The following DYNC2H1 variants were observed in gnomAD, a reference collection of about 807,000 sequenced individuals.
DYNC2H1 encodes the protein cytoplasmic dynein 2 heavy chain 1.
DYNC2H1 carries 410 observed loss-of-function variants against 570.0 expected under a neutral mutation model. The observed-to-expected ratio is 0.72, with a 90% CI of 0.66 to 0.78. The LOEUF (loss-of-function observed/expected upper bound fraction) is 0.78, where lower values mean the gene tolerates loss of function less well. DYNC2H1 is among the 30% of genes least tolerant of loss of function. DYNC2H1 has a pLI of 0.00. For missense variants in DYNC2H1, 4,865 were observed against 5,046.4 expected (o/e 0.96, Z 1.09); for synonymous variants, 1,688 against 1,677.6 (o/e 1.01, Z -0.15).
intron 70 of DYNC2H1, among the ~76,000 whole-genome samples, chr11:103,265,565 G>T (rs566893752): frequency 1.3e-5 from 2 of 152,218 alleles, no homozygotes; most frequent in Admixed American, 1.3e-4. Flanking sequence ...GTTTTATCAT[G>T]ATTTTTAGCT....
chr11:103,303,110 C>A lies in DYNC2H1; in HGVS notation c.11113C>A (p.Pro3705Thr). 1 of 1,574,284 alleles carries A rather than the reference C, an allele frequency of 6.4e-7. No homozygotes were observed. The highest frequency in any genetic ancestry group is 1.3e-5 in the African/African-American group (1 of 74,108). ...CKTLGLKEVS[P>T]LPLNLKRLYK... Reference sequence around the variant, plus strand: ...TATTTTAGGACTGAAAGAGGTGTCCCCACTGCCTCTAAATCTCAAACGTTT... The same window carrying A: ...TATTTTAGGACTGAAAGAGGTGTCCACACTGCCTCTAAATCTCAAACGTTT... Residue 3705 changes from proline to threonine, a missense_variant, in exon 76 of 89, where the codon CCA (proline) becomes ACA (threonine). Coordinates refer to ENST00000375735, the MANE Select transcript of DYNC2H1 (RefSeq NM_001377.3).
At chr11:103,135,217 A>G (rs1326347014) in intron 15 of DYNC2H1, among the ~76,000 whole-genome samples, 5 of 152,156 alleles carry the variant, frequency 3.3e-5, no homozygotes, top group African/African-American at 9.6e-5. Flanking sequence ...ACATCATAAA[A>G]TAAAGTCCAA....
intron 45 of DYNC2H1, 86 bp from the exon 46 acceptor site, chr11:103,191,431 C>G: frequency 1.1e-6 from 1 of 940,316 alleles, no homozygotes; most frequent in South Asian, 1.7e-5. Flanking sequence ...ATTGGTATTC[C>G]TCTGAGTCTA....
intron 82 of DYNC2H1, among the ~76,000 whole-genome samples, chr11:103,336,466 CCCTTCCTAT>C (rs1299115715): frequency 6.7e-6 from 1 of 149,848 alleles, no homozygotes; most frequent in Non-Finnish European, 1.5e-5. Flanking sequence ...CCTATACACA[CCCTTCCTAT>C]CCTCTGGTAA....
In DYNC2H1 at chr11:103,154,754, T is replaced by C. The variant is rs765544246; in HGVS notation, c.3518T>C (p.Val1173Ala). 5.7e-6 allele frequency: 9 copies of C among 1,569,894 alleles called. No homozygotes were observed. The South Asian group carries it at 5.9e-5, about 10-fold the overall frequency. ...AACTGGCATGACAGATTAAGGAAGG[T>C]TGAAGAACATTCAGTGATGACAGTG... ...LMNWHDRLRK[V>A]EEHSVMTVKL... The change falls in exon 24 of 89, where the codon GTT becomes GCT. Residue 1173 changes from valine to alanine, a missense_variant. By Grantham distance (64) the Val-to-Ala change is moderately conservative. Coordinates refer to ENST00000375735, the MANE Select transcript of DYNC2H1 (RefSeq NM_001377.3).
chr11:103,237,369 T>A (rs1229015118), intron 63 of DYNC2H1, among the ~76,000 whole-genome samples: 2 of 151,990 alleles, frequency 1.3e-5, no homozygotes, highest in African/African-American at 4.8e-5. Context: ...AACTGTATTA[T>A]AAGATTTATA....
intron 84 of DYNC2H1, among the ~76,000 whole-genome samples, chr11:103,414,957 T>C (rs1345282632): frequency 6.6e-6 from 1 of 152,216 alleles, no homozygotes; most frequent in Admixed American, 6.5e-5. Context: ...ATGGCAGTAC[T>C]TCCCAAAGTA....
rs3989921 is a variant in DYNC2H1, at chr11:103,323,471, A to AAT, written c.11935-397_11935-396dup. Among the ~76,000 whole-genome samples the AAT allele has an allele frequency of 4.4e-3, 653 of 148,504 alleles. 6 individuals carry two copies. The highest frequency in any genetic ancestry group is 0.012 in the African/African-American group (480 of 40,480). On this transcript the variant is annotated intron_variant, in intron 81 of 88. Transcript: ENST00000375735. Reference sequence around the variant, plus strand: ...CAAAAGTAGATTGCCTGAATATATAAATATATATATATATATATAACTGCT... The same window carrying AAT: ...CAAAAGTAGATTGCCTGAATATATAAATATATATATATATATATATAACTGCT...
chr11:103,314,588 A>G (rs1352147615), intron 79 of DYNC2H1, among the ~76,000 whole-genome samples: 1 of 152,016 alleles, frequency 6.6e-6, no homozygotes, highest in African/African-American at 2.4e-5. Flanking sequence ...GTATTTTTAG[A>G]AATCTGTAAA....
At chr11:103,404,190 ATAACT>A (rs1425559953) in intron 84 of DYNC2H1, 3 of 151,970 alleles carry the variant, frequency 2.0e-5, no homozygotes, top group Non-Finnish European at 4.4e-5. Context: ...GGTTTAACCT[ATAACT>A]TAACTTTGAC....
At chr11:103,267,105 G>C (rs1328352796) in intron 70 of DYNC2H1, among the ~76,000 whole-genome samples, 2 of 152,036 alleles carry the variant, frequency 1.3e-5, no homozygotes, top group Non-Finnish European at 2.9e-5. Context: ...ATCTTTTCCT[G>C]CCCGGGTTCC....
Position 103,189,548 on chromosome 11 carries a change from G to A in DYNC2H1, c.7293-124G>A. 1 of 913,008 alleles carries A rather than the reference G, an allele frequency of 1.1e-6. No homozygotes were observed. The highest frequency in any genetic ancestry group is 2.6e-5 in the East Asian group (1 of 37,770). The allele number at this position is 913,008 out of a possible 1,614,324, so 56.6% of individuals were successfully genotyped here. On this transcript the variant is annotated intron_variant, in intron 44 of 88. Transcript: ENST00000375735. The surrounding 1 kb of genome is among the most constrained non-coding windows in gnomAD (Gnocchi z 4.3). ...AGCCTAGTCTTAGCCCCCTGGGTAA[G>A]CTTTGGAGATATGTAGGTCTTAGAG... is the stretch of plus-strand genomic sequence containing the variant.
At position 103,187,211 on chromosome 11, in the gene DYNC2H1, C is replaced by G. The variant is rs561480778; in HGVS notation, c.6894-129C>G. ...GTTATGGAAGCCATATCTGTATTTA[C>G]CATTTTTCCTATCATCATATACATT... On this transcript the variant is annotated intron_variant, in intron 42 of 88. Coordinates refer to ENST00000375735, the MANE Select transcript of DYNC2H1 (RefSeq NM_001377.3). 20 of 1,296,598 alleles carry G rather than the reference C, an allele frequency of 1.5e-5. No homozygotes were observed. The East Asian group carries it at 4.8e-4, about 31-fold the overall frequency. 80.3% of individuals were successfully genotyped at this position (1,296,598 alleles called of 1,614,324 possible).
At chr11:103,422,481 CT>C (rs1943520485) in intron 84 of DYNC2H1, among the ~76,000 whole-genome samples, 1 of 152,106 alleles carries the variant, frequency 6.6e-6, no homozygotes, top group Non-Finnish European at 1.5e-5. Context: ...CATCAAAAAG[CT>C]TATCCACCGT....
chr11:103,431,940 G>A (rs1265589438), intron 84 of DYNC2H1, among the ~76,000 whole-genome samples: 1 of 152,088 alleles, frequency 6.6e-6, no homozygotes, highest in Admixed American at 6.6e-5. Flanking sequence ...GCTGGCTGCA[G>A]GTATTGCAGT....
In DYNC2H1 at chr11:103,479,160, G is replaced by T. The variant is rs372878677; in HGVS notation, c.12831G>T (p.Arg4277Ser). The change falls in exon 89 of 89, where the codon AGG becomes AGT. Residue 4277 changes from arginine to serine, a missense_variant. By Grantham distance (110) the Arg-to-Ser change is moderately radical. Coordinates refer to ENST00000375735, the MANE Select transcript of DYNC2H1 (RefSeq NM_001377.3). ...TGCCTGTTTACACAAGTGCTGAAAG[G>T]GATCGTGTGGTTACCAATATTGATG... Reference protein sequence around the residue: ...ISLPVYTSAERDRVVTNIDVP... With the variant: ...ISLPVYTSAESDRVVTNIDVP... 1.9e-6 allele frequency: 3 copies of T among 1,613,740 alleles called. No homozygotes were observed. Among genetic ancestry groups the T allele is most frequent in the Non-Finnish European group, 1.7e-6 (2 of 1,179,762 alleles).
intron 77 of DYNC2H1, among the ~76,000 whole-genome samples, chr11:103,306,026 C>G (rs1052606977): frequency 1.3e-5 from 2 of 152,170 alleles, no homozygotes; most frequent in Non-Finnish European, 2.9e-5. Context: ...ATTCTCGTGC[C>G]TCAGCCTCCC....
chr11:103,220,161 T>G, intron 56 of DYNC2H1, 133 bp downstream of exon 56: 1 of 457,824 alleles, frequency 2.2e-6, no homozygotes, highest in African/African-American at 2.1e-5. Flanking sequence ...AAAATGTTAC[T>G]TGTAAAAGAG....
chr11:103,260,666 C>A (rs1241931897), intron 70 of DYNC2H1, among the ~76,000 whole-genome samples: 1 of 147,708 alleles, frequency 6.8e-6, no homozygotes, highest in East Asian at 2.0e-4. Context: ...GTTGCCCAGG[C>A]TGGAGTGCAG....
Sources: gnomAD v4.1 joint callset for allele counts (sites outside exome capture counted in the v4.1 genomes callset) on GRCh38, gnomAD v4.1.1 for gene constraint, Gnocchi (gnomAD v3.1) non-coding constraint, MANE v1.5 for transcripts, NCBI Gene and HGNC (gene_info 2026-07-23, HGNC 2026-07-21) for gene names.